The following IL1RAPL2 variants were observed in gnomAD, a reference collection of about 807,000 sequenced individuals.
IL1RAPL2 encodes interleukin 1 receptor accessory protein like 2, also known as X-linked interleukin-1 receptor accessory protein-like 2.
IL1RAPL2 carries 3 observed loss-of-function variants against 44.1 expected under a neutral mutation model. The ratio of observed to expected loss-of-function variants is 0.07; its 90% confidence interval spans 0.03 to 0.18. The LOEUF is 0.18. Among genes scored for constraint, IL1RAPL2 ranks in the 10% least tolerant of loss-of-function variants. IL1RAPL2 has a pLI of 1.00. For missense variants in IL1RAPL2, 391 were observed against 496.4 expected (o/e 0.79, Z 2.02); for synonymous variants, 181 against 178.8 (o/e 1.01, Z -0.10).
chrX:105,529,846 A>T (rs1054219510), intron 6 of IL1RAPL2, among the ~76,000 whole-genome samples: 10 of 111,984 alleles, frequency 8.9e-5, no homozygotes, highest in African/African-American at 3.2e-4. Flanking sequence ...TTTACTTAGG[A>T]TGTCTTCAAG....
At chrX:104,726,262 T>C (rs1221031373) in intron 2 of IL1RAPL2, among the ~76,000 whole-genome samples, 2 of 111,929 alleles carry the variant, frequency 1.8e-5, no homozygotes, top group Non-Finnish European at 3.8e-5. Flanking sequence ...ACCAGTAACA[T>C]GCTGTTTTGG....
chrX:104,748,760 T>C (rs1932213737), intron 2 of IL1RAPL2, among the ~76,000 whole-genome samples: 1 of 111,586 alleles, frequency 9.0e-6, no homozygotes, highest in Non-Finnish European at 1.9e-5. Context: ...AGCTTAGAAT[T>C]CAGAGAGCAG....
intron 2 of IL1RAPL2, among the ~76,000 whole-genome samples, chrX:104,847,167 C>T (rs1444663823): frequency 9.0e-6 from 1 of 111,499 alleles, no homozygotes; most frequent in Non-Finnish European, 1.9e-5. Flanking sequence ...GATGATAGTT[C>T]CTTTTGCTTT....
chrX:104,908,578 G>T (rs1602806305), intron 2 of IL1RAPL2, among the ~76,000 whole-genome samples: 1 of 111,249 alleles, frequency 9.0e-6, no homozygotes, highest in South Asian at 3.8e-4. Flanking sequence ...AGTTTGGCTG[G>T]ATATGAAATT....
At chrX:105,356,650 T>C in intron 5 of IL1RAPL2, among the ~76,000 whole-genome samples, 1 of 112,259 alleles carries the variant, frequency 8.9e-6, no homozygotes, top group Middle Eastern at 4.7e-3. Flanking sequence ...GCTGAGACCA[T>C]TTGGATTTGT....
At chrX:104,708,120 G>A (rs1931392185) in intron 2 of IL1RAPL2, among the ~76,000 whole-genome samples, 1 of 111,662 alleles carries the variant, frequency 9.0e-6, no homozygotes, top group South Asian at 3.7e-4. Context: ...ATCCCTGCTT[G>A]CTCTCTGACT....
At chrX:105,054,029 G>T (rs1331880656) in intron 2 of IL1RAPL2, among the ~76,000 whole-genome samples, 1 of 111,141 alleles carries the variant, frequency 9.0e-6, no homozygotes, top group African/African-American at 3.3e-5. Flanking sequence ...ATAAAAACAA[G>T]ATAATTATTT....
At chrX:105,387,895 T>C (rs2035489010) in intron 5 of IL1RAPL2, among the ~76,000 whole-genome samples, 1 of 108,130 alleles carries the variant, frequency 9.2e-6, no homozygotes. Flanking sequence ...ACACCTGTAA[T>C]CCCAGCACTT....
intron 2 of IL1RAPL2, among the ~76,000 whole-genome samples, chrX:104,980,155 GTAGA>G (rs2030410945): frequency 1.8e-5 from 2 of 111,517 alleles, no homozygotes. Context: ...AAAAAATAAA[GTAGA>G]TAGATGCTGA....
At chrX:105,342,318 AAG>A (rs893936180) in intron 5 of IL1RAPL2, among the ~76,000 whole-genome samples, 19 of 109,126 alleles carry the variant, frequency 1.7e-4, no homozygotes, top group Admixed American at 1.2e-3. Flanking sequence ...ATAATAATAA[AAG>A]AAAAGAAAAA....
chrX:105,639,229 T>C (rs2037546653), intron 6 of IL1RAPL2, among the ~76,000 whole-genome samples: 1 of 111,815 alleles, frequency 8.9e-6, no homozygotes, highest in African/African-American at 3.3e-5. Flanking sequence ...CCTTATCAAT[T>C]TACTATTTGA....
At chrX:104,990,161 A>G (rs1415415051) in intron 2 of IL1RAPL2, among the ~76,000 whole-genome samples, 2 of 112,279 alleles carry the variant, frequency 1.8e-5, no homozygotes, top group Non-Finnish European at 3.8e-5. Flanking sequence ...GTTATTGGCT[A>G]GACAAATTGG....
chrX:105,056,325 T>G (rs1200193628), intron 2 of IL1RAPL2, among the ~76,000 whole-genome samples: 2 of 111,809 alleles, frequency 1.8e-5, no homozygotes, highest in Admixed American at 1.9e-4. Flanking sequence ...TCAATGCACC[T>G]CTGAGATAAA....
intron 2 of IL1RAPL2, among the ~76,000 whole-genome samples, chrX:104,684,327 C>T (rs1453835764): frequency 8.9e-6 from 1 of 111,821 alleles, no homozygotes; most frequent in Non-Finnish European, 1.9e-5. Context: ...CCAGTCACCA[C>T]TCTCATTCCA....
intron 2 of IL1RAPL2, among the ~76,000 whole-genome samples, chrX:104,844,436 A>T (rs988048215): frequency 1.8e-5 from 2 of 111,523 alleles, no homozygotes; most frequent in African/African-American, 6.5e-5. Flanking sequence ...TTTTTCTCAG[A>T]GCCTTTAATA....
intron 2 of IL1RAPL2, among the ~76,000 whole-genome samples, chrX:104,983,457 A>AATATTAGATACATAATATTATATATT (rs1569355623): frequency 4.9e-5 from 2 of 40,869 alleles, no homozygotes; most frequent in African/African-American, 1.6e-4. Flanking sequence ...AATATTATAT[A>AATATTAGATACATAATATTATATATT]ATATTAGATA....
intron 7 of IL1RAPL2, among the ~76,000 whole-genome samples, chrX:105,731,493 C>CA (rs774036212): frequency 0.016 from 1,784 of 110,966 alleles, 15 homozygotes; most frequent in Non-Finnish European, 0.023. Flanking sequence ...ATTAGTATCT[C>CA]AAAGGCATAC....
At chrX:105,459,458 C>T (rs747418885) in intron 5 of IL1RAPL2, among the ~76,000 whole-genome samples, 1 of 111,445 alleles carries the variant, frequency 9.0e-6, no homozygotes, top group Non-Finnish European at 1.9e-5. Flanking sequence ...TGTTCTTGTT[C>T]TCCTTTAAAG....
chrX:105,692,149 T>G (rs2061829695), intron 6 of IL1RAPL2, among the ~76,000 whole-genome samples: 1 of 112,049 alleles, frequency 8.9e-6, no homozygotes, highest in African/African-American at 3.2e-5. Flanking sequence ...TCATAGATAG[T>G]AGAGTTAACA....
Sources: allele counts gnomAD v4.1 joint callset (sites outside exome capture counted in the v4.1 genomes callset), GRCh38; gene constraint gnomAD v4.1.1; transcripts MANE v1.5; gene names NCBI Gene and HGNC (gene_info 2026-07-23, HGNC 2026-07-21).